The following VEZT variants were observed in gnomAD, a reference collection of about 807,000 sequenced individuals.
The protein encoded by VEZT is vezatin, adherens junctions transmembrane protein.
A neutral mutation model predicts 79.9 loss-of-function variants in VEZT; 39 were observed. The observed-to-expected ratio is 0.49, with a 90% CI of 0.38 to 0.64. The LOEUF (loss-of-function observed/expected upper bound fraction) is 0.64. VEZT is among the 30% of genes least tolerant of loss of function. VEZT has a pLI of 0.00. For missense variants in VEZT, 837 were observed against 893.1 expected, an observed-to-expected ratio of 0.94 and a Z score of 0.80; for synonymous variants, 325 against 327.6, an observed-to-expected ratio of 0.99 and a Z score of 0.09.
At chr12:95,235,441 G>A (rs1472936800) in intron 1 of VEZT, among the ~76,000 whole-genome samples, 3 of 137,344 alleles carry the variant, frequency 2.2e-5, no homozygotes, top group South Asian at 4.9e-4. Context: ...CCTCCCGGAC[G>A]GGGCGGCTGG....
chr12:95,220,037 G>A (rs1161220611), intron 1 of VEZT, among the ~76,000 whole-genome samples: 1 of 152,084 alleles, frequency 6.6e-6, no homozygotes, highest in African/African-American at 2.4e-5. Context: ...CTGTTTGTTT[G>A]CTCTTTGATA....
chr12:95,235,397 G>A (rs1289200280), intron 1 of VEZT, among the ~76,000 whole-genome samples: 1 of 120,378 alleles, frequency 8.3e-6, no homozygotes, highest in African/African-American at 3.4e-5. Flanking sequence ...CGGACGGGGC[G>A]GCTGGCTGGG....
At chr12:95,237,272 C>T (rs1479004865) in intron 1 of VEZT, among the ~76,000 whole-genome samples, 1 of 151,912 alleles carries the variant, frequency 6.6e-6, no homozygotes, top group Admixed American at 6.6e-5. Flanking sequence ...TGAGCCATGC[C>T]TCATAAGGTT....
Position 95,251,922 on chromosome 12 carries a change from A to G in VEZT, c.37-18A>G, listed in dbSNP as rs2306883. ...TAGTAATGATCTTGAAATTTGCTTT[A>G]TTTTGTGTCTTTTTCAGAATTCTCC... On this transcript the variant is annotated intron_variant, in intron 1 of 11. Coordinates refer to ENST00000436874, the MANE Select transcript of VEZT (RefSeq NM_017599.4). 284 of 1,599,692 alleles carry G rather than the reference A, an allele frequency of 1.8e-4. 1 individual carries two copies. In the East Asian group the frequency reaches 5.4e-3, roughly 30 times the overall value.
chr12:95,298,199 G>C (rs2074578836), intron 11 of VEZT, among the ~76,000 whole-genome samples: 1 of 151,906 alleles, frequency 6.6e-6, no homozygotes, highest in Non-Finnish European at 1.5e-5. Flanking sequence ...CCACCAAGCT[G>C]TCCTCTCTAC....
chr12:95,226,200 A>G (rs747436404), intron 1 of VEZT, among the ~76,000 whole-genome samples: 1 of 151,942 alleles, frequency 6.6e-6, no homozygotes, highest in Non-Finnish European at 1.5e-5. Context: ...CCATACACCT[A>G]CTTGGGGAAA....
chr12:95,285,416 C>G (rs2070477890), intron 8 of VEZT, among the ~76,000 whole-genome samples: 1 of 152,024 alleles, frequency 6.6e-6, no homozygotes, highest in African/African-American at 2.4e-5. Context: ...TGCACTCTAG[C>G]CTGGGTGACA....
intron 1 of VEZT, among the ~76,000 whole-genome samples, chr12:95,226,760 G>T (rs537103846): frequency 1.2e-4 from 19 of 152,320 alleles, no homozygotes; most frequent in African/African-American, 4.1e-4. Context: ...GAAAGAAAGA[G>T]TGAAGTGCCC....
At position 95,280,524 on chromosome 12, in the gene VEZT, T is replaced by TACACAC. The variant is rs10611290; in HGVS notation, c.997-1764_997-1759dup. ...CACTATTCCCCCCCTTTCATATGTG[T>TACACAC]ACACACACACACACACACACACACA... On this transcript the variant is annotated intron_variant, in intron 7 of 11. Transcript: ENST00000436874. Among the ~76,000 whole-genome samples, 677 of 137,722 alleles carry TACACAC rather than the reference T, an allele frequency of 4.9e-3. 3 individuals carry two copies. Among genetic ancestry groups the TACACAC allele is most frequent in the Non-Finnish European group, 8.7e-3 (555 of 63,760 alleles). 90.4% of individuals were successfully genotyped at this position (137,722 alleles called of 152,430 possible).
At chr12:95,273,249 A>C (rs528462273) in intron 6 of VEZT, among the ~76,000 whole-genome samples, 78 of 152,320 alleles carry the variant, frequency 5.1e-4, no homozygotes, top group African/African-American at 1.8e-3. Context: ...TGAAAAAAAA[A>C]CACAAAGTGC....
At chr12:95,275,030 G>C in intron 7 of VEZT, 141 bp downstream of exon 7, 1 of 1,015,474 alleles carries the variant, frequency 9.8e-7, no homozygotes, top group South Asian at 2.5e-5. Context: ...GGTGATGTTT[G>C]TAACTCTGTC....
At chr12:95,291,824 C>T (rs542328564) in intron 9 of VEZT, among the ~76,000 whole-genome samples, 1 of 152,260 alleles carries the variant, frequency 6.6e-6, no homozygotes, top group East Asian at 1.9e-4. Context: ...CAGAGTCTCA[C>T]TGTGTTGTGC....
chr12:95,250,737 G>T (rs1446193684), intron 1 of VEZT, among the ~76,000 whole-genome samples: 1 of 132,620 alleles, frequency 7.5e-6, no homozygotes, highest in Non-Finnish European at 1.6e-5. Context: ...TGTTTGATGG[G>T]GTTGGGGTGA....
intron 1 of VEZT, among the ~76,000 whole-genome samples, chr12:95,227,143 G>A (rs556835244): frequency 6.6e-6 from 1 of 152,144 alleles, no homozygotes; most frequent in African/African-American, 2.4e-5. Flanking sequence ...CTTTAGAAAG[G>A]TATTAAAGTT....
At chr12:95,219,885 G>A (rs2057312740) in intron 1 of VEZT, among the ~76,000 whole-genome samples, 1 of 152,068 alleles carries the variant, frequency 6.6e-6, no homozygotes, top group South Asian at 2.1e-4. Flanking sequence ...ACATTTATTA[G>A]CTATTTTTAT....
At chr12:95,242,568 A>G (rs774391551) in intron 1 of VEZT, among the ~76,000 whole-genome samples, 2 of 152,064 alleles carry the variant, frequency 1.3e-5, no homozygotes, top group African/African-American at 2.4e-5. Context: ...CTACGTGTGG[A>G]GTGTTTTAAA....
chr12:95,282,745 C>T, intron 8 of VEZT, 101 bp downstream of exon 8: 1 of 932,608 alleles, frequency 1.1e-6, no homozygotes, highest in Non-Finnish European at 1.5e-6. Flanking sequence ...AAAAAAGAAA[C>T]AAAACTGAGG....
intron 3 of VEZT, among the ~76,000 whole-genome samples, chr12:95,260,303 A>G (rs1240837897): frequency 6.6e-6 from 1 of 151,670 alleles, no homozygotes; most frequent in Admixed American, 6.6e-5. Flanking sequence ...ATGAGGTTTC[A>G]CTCTGTTGGC....
chr12:95,255,945 C>T (rs1473810068), intron 2 of VEZT, among the ~76,000 whole-genome samples: 2 of 152,168 alleles, frequency 1.3e-5, no homozygotes, highest in African/African-American at 4.8e-5. Flanking sequence ...AACTTCCTTA[C>T]TAATCCCTTC....
Sources: gnomAD v4.1 joint callset for allele counts (sites outside exome capture counted in the v4.1 genomes callset) on GRCh38, gnomAD v4.1.1 for gene constraint, MANE v1.5 for transcripts, NCBI Gene and HGNC (gene_info 2026-07-23, HGNC 2026-07-21) for gene names.